Variants in FAM216A observed in about 807,000 individuals in gnomAD.
The protein encoded by FAM216A is protein FAM216A.
FAM216A carries 26 observed loss-of-function variants against 37.6 expected under a neutral mutation model. The ratio of observed to expected loss-of-function variants is 0.69; its 90% CI spans 0.51 to 0.96. The LOEUF is 0.96. FAM216A is among the 40% of genes least tolerant of loss of function. The pLI is 0.00. For synonymous variants in FAM216A, 110 were observed against 121.7 expected (o/e 0.90, Z 0.64); for missense variants, 326 against 339.3 (o/e 0.96, Z 0.31).
chr12:110,478,895 G>T (rs1485378795), intron 2 of FAM216A, among the ~76,000 whole-genome samples: 1 of 151,936 alleles, frequency 6.6e-6, no homozygotes, highest in African/African-American at 2.4e-5. Flanking sequence ...TTAAAAAATT[G>T]TATATATTTA....
intron 2 of FAM216A, among the ~76,000 whole-genome samples, chr12:110,477,653 G>GCCATATGGAC: frequency 6.6e-6 from 1 of 152,094 alleles, no homozygotes; most frequent in East Asian, 1.9e-4. Context: ...AACGCGCCCA[G>GCCATATGGAC]TCTTGTCATC....
intron 1 of FAM216A, among the ~76,000 whole-genome samples, chr12:110,469,832 A>G (rs1448061038): frequency 6.6e-6 from 1 of 152,096 alleles, no homozygotes; most frequent in Non-Finnish European, 1.5e-5. Flanking sequence ...TCTAATCGCC[A>G]ATGAGACCAA....
intron 5 of FAM216A, 63 bp downstream of exon 5, chr12:110,486,780 A>G: frequency 1.4e-6 from 2 of 1,452,450 alleles, no homozygotes; most frequent in Non-Finnish European, 1.9e-6. Context: ...TTTCTCAGAC[A>G]GGGTTTTGTT....
intron 6 of FAM216A, among the ~76,000 whole-genome samples, chr12:110,489,250 AT>A (rs2062795861): frequency 6.6e-6 from 1 of 152,094 alleles, no homozygotes; most frequent in Non-Finnish European, 1.5e-5. Flanking sequence ...CATGCCTGTA[AT>A]CTCAGCACTT....
chr12:110,473,013 T>C (rs1036724620), intron 1 of FAM216A, 65 bp from the exon 2 acceptor site: 13 of 616,960 alleles, frequency 2.1e-5, no homozygotes, highest in East Asian at 3.5e-5. Context: ...AATTGAAATA[T>C]GTTGTTCAGT....
chr12:110,485,269 C>T, intron 3 of FAM216A, 70 bp downstream of exon 3: 1 of 1,438,008 alleles, frequency 7.0e-7, no homozygotes, highest in Non-Finnish European at 9.5e-7. Context: ...TACTGAAGAT[C>T]AGCTGCTTAG....
At chr12:110,468,522 T>G (rs1443730086), upstream of FAM216A, 2 of 1,537,274 alleles carry the variant, frequency 1.3e-6, no homozygotes, top group African/African-American at 1.4e-5. Context: ...CGCCACGTGC[T>G]TCGGTCCGTG....
In FAM216A at chr12:110,486,618, T is replaced by C; in HGVS notation, c.521T>C (p.Leu174Pro). The change falls in exon 5 of 7, where the codon CTG becomes CCG. Residue 174 changes from leucine to proline, a missense_variant. Coordinates refer to ENST00000377673, the MANE Select transcript of FAM216A (RefSeq NM_013300.3). The part of the protein sequence containing the change: ...HYPCTTWRHQ[L>P]EREDSGSSDI... ...CCTTGCACTACATGGCGACATCAACTGGAGAGAGAGGACTCGGGGTCTTCT... is the reference window on the plus strand; with the variant it reads ...CCTTGCACTACATGGCGACATCAACCGGAGAGAGAGGACTCGGGGTCTTCT... The C allele has an allele frequency of 1.9e-6, 3 of 1,614,120 alleles. No individual in the cohort carries two copies. Among genetic ancestry groups the C allele is most frequent in the Non-Finnish European group, 2.5e-6 (3 of 1,180,006 alleles).
intron 1 of FAM216A, among the ~76,000 whole-genome samples, chr12:110,471,218 A>G (rs1157691497): frequency 6.6e-6 from 1 of 151,984 alleles, no homozygotes; most frequent in Non-Finnish European, 1.5e-5. Flanking sequence ...CCTCCTGAGT[A>G]GCTGGGACTA....
At chr12:110,476,044 A>C (rs1295975324) in intron 2 of FAM216A, among the ~76,000 whole-genome samples, 1 of 150,672 alleles carries the variant, frequency 6.6e-6, no homozygotes, top group Non-Finnish European at 1.5e-5. Context: ...GGCCTATCTT[A>C]ACTACATTTA....
At chr12:110,471,499 C>A (rs2062686868) in intron 1 of FAM216A, among the ~76,000 whole-genome samples, 1 of 152,138 alleles carries the variant, frequency 6.6e-6, no homozygotes, top group Admixed American at 6.6e-5. Flanking sequence ...TATGTAAGCA[C>A]TGCCACACTA....
At chr12:110,477,531 T>C (rs2062721569) in intron 2 of FAM216A, among the ~76,000 whole-genome samples, 1 of 151,206 alleles carries the variant, frequency 6.6e-6, no homozygotes, top group Admixed American at 6.6e-5. Flanking sequence ...TTTTTTGTAT[T>C]TTTTTTAGTA....
chr12:110,474,635 T>C (rs1286446594), intron 2 of FAM216A, among the ~76,000 whole-genome samples: 3 of 131,992 alleles, frequency 2.3e-5, no homozygotes, highest in Admixed American at 1.9e-4. Flanking sequence ...GAGGTTGCAG[T>C]GAGCTAAGAT....
At position 110,468,904 on chromosome 12, in the gene FAM216A, C is replaced by A; in HGVS notation, c.29C>A (p.Ala10Asp). 1 of 1,520,694 alleles carries A rather than the reference C, an allele frequency of 6.6e-7. No individual in the cohort carries two copies. Among genetic ancestry groups the A allele is most frequent in the Non-Finnish European group, 8.8e-7 (1 of 1,136,618 alleles). The allele number at this position is 1,520,694 out of a possible 1,614,324, so 94.2% of individuals were successfully genotyped here. ...CTGGGACAGCTGCTCCCGCACACGG[C>A]TCGCGGTCTCGGCGCCGCGGAGATG... is the stretch of plus-strand genomic sequence containing the variant. Reference protein sequence around the residue: MLGQLLPHTARGLGAAEMPG... With the variant: MLGQLLPHTDRGLGAAEMPG... Residue 10 changes from alanine (A) to aspartate (D), a missense_variant, in exon 1 of 7, where the codon GCT becomes GAT. By Grantham distance (126) the Ala-to-Asp change is moderately radical. Transcript: ENST00000377673.
At chr12:110,473,009 A>T (rs1592975117) in intron 1 of FAM216A, 69 bp from the exon 2 acceptor site, 2 of 578,204 alleles carry the variant, frequency 3.5e-6, no homozygotes, top group East Asian at 7.2e-5. Flanking sequence ...AAAAAATTGA[A>T]ATATGTTGTT....
rs17851852 is a variant in FAM216A at position 110,490,077 on chromosome 12, A to G, written c.762A>G (p.Leu254=). The G allele has an allele frequency of 0.022, 34,413 of 1,571,006 alleles. 508 individuals are homozygous for G. Among genetic ancestry groups the G allele is most frequent in the Middle Eastern group, 0.08 (476 of 5,964 alleles). The change falls in exon 7 of 7, where the codon CTA becomes CTG. Residue 254 remains leucine (L), a synonymous_variant. Transcript: ENST00000377673. ...AAGAAAAAAAGGAAGAAGATTTACT[A>G]AATAATTTTATGCAATCAATGTCAA... ...MSEEKKEEDL[L]NNFMQSMSIE... is the part of the protein sequence containing the mutation.
chr12:110,484,763 T>C (rs920685862), intron 2 of FAM216A, among the ~76,000 whole-genome samples: 1 of 152,034 alleles, frequency 6.6e-6, no homozygotes, highest in Non-Finnish European at 1.5e-5. Context: ...GATCTTTTTT[T>C]TTTTTTTAAG....
chr12:110,483,768 A>T (rs1313518627), intron 2 of FAM216A, among the ~76,000 whole-genome samples: 2 of 152,148 alleles, frequency 1.3e-5, no homozygotes, highest in Non-Finnish European at 2.9e-5. Flanking sequence ...CAGTGAGCTG[A>T]GATTGTGCCA....
chr12:110,473,205 T>C, intron 2 of FAM216A, 87 bp downstream of exon 2: 1 of 684,394 alleles, frequency 1.5e-6, no homozygotes, highest in Admixed American at 3.0e-5. Context: ...CACAATAGAG[T>C]TTTTTTCTTT....
Sources: allele counts gnomAD v4.1 joint callset (sites outside exome capture counted in the v4.1 genomes callset), GRCh38; gene constraint gnomAD v4.1.1; transcripts MANE v1.5; gene names NCBI Gene and HGNC (gene_info 2026-07-23, HGNC 2026-07-21).